ADD3: variants seen among roughly 807,000 people sequenced by gnomAD.
ADD3 encodes gamma-adducin.
In ADD3, 25 loss-of-function variants were observed where a neutral mutation model predicts 80.2. The observed-to-expected ratio is 0.31, with a 90% CI of 0.23 to 0.44. The LOEUF (loss-of-function observed/expected upper bound fraction) is 0.44. Ranked by LOEUF, ADD3 falls within the 20% of genes least tolerant of loss-of-function variation. The pLI is 1.00. For synonymous variants in ADD3, 284 were observed against 289.6 expected (o/e 0.98, Z 0.20); for missense variants, 829 against 847.5 (o/e 0.98, Z 0.27).
chr10:110,055,876 G>A (rs1858127205), intron 1 of ADD3, among the ~76,000 whole-genome samples: 1 of 152,188 alleles, frequency 6.6e-6, no homozygotes, highest in African/African-American at 2.4e-5. Flanking sequence ...GACTTTCTTG[G>A]CATAGTTTAT....
chr10:110,016,924 A>C (rs1181173744), intron 1 of ADD3, among the ~76,000 whole-genome samples: 5 of 152,194 alleles, frequency 3.3e-5, no homozygotes, highest in Admixed American at 3.3e-4. Flanking sequence ...GAACTTTGAA[A>C]ATATGAATTG....
intron 1 of ADD3, among the ~76,000 whole-genome samples, chr10:110,074,835 T>G (rs1845202784): frequency 6.6e-6 from 1 of 152,152 alleles, no homozygotes; most frequent in Non-Finnish European, 1.5e-5. Flanking sequence ...ACTTTAGTTG[T>G]TAAGCCTCTG....
intron 1 of ADD3, among the ~76,000 whole-genome samples, chr10:110,070,820 A>T (rs1844587914): frequency 6.6e-6 from 1 of 151,830 alleles, no homozygotes; most frequent in Non-Finnish European, 1.5e-5. Flanking sequence ...ATATCTGAGG[A>T]CTCTTAAAGC....
At chr10:110,126,084 C>G (rs1476632207) in intron 11 of ADD3, 139 bp downstream of exon 11, 1 of 881,736 alleles carries the variant, frequency 1.1e-6, no homozygotes, top group South Asian at 2.0e-5. Flanking sequence ...ATAATTTTAG[C>G]TTATATTGAA....
chr10:110,116,132 C>A, intron 3 of ADD3, 127 bp from the exon 4 acceptor site: 1 of 791,506 alleles, frequency 1.3e-6, no homozygotes, highest in Non-Finnish European at 2.0e-6. Context: ...ATTATATGGG[C>A]TGATAAATTT....
At chr10:110,089,799 G>A (rs1201411472) in intron 1 of ADD3, among the ~76,000 whole-genome samples, 2 of 151,996 alleles carry the variant, frequency 1.3e-5, no homozygotes, top group African/African-American at 2.4e-5. Flanking sequence ...AACAATTCAA[G>A]TTAATGTTAG....
At chr10:110,033,351 G>A (rs1855276215) in intron 1 of ADD3, among the ~76,000 whole-genome samples, 1 of 152,182 alleles carries the variant, frequency 6.6e-6, no homozygotes, top group Non-Finnish European at 1.5e-5. Flanking sequence ...CACAGCATTT[G>A]AAGTATTGTT....
chr10:110,065,542 T>TTTTTTTTTTTTTC lies in ADD3; in HGVS notation c.-29-35071_-29-35070insCTTTTTTTTTTTT, dbSNP rs1554928310. ...TTTCTTAGCCTCTCTCTCTCCCCTT[T>TTTTTTTTTTTTTC]TTTTTTTTTTTTTTTGAGAAAGAAT... On this transcript the variant is annotated intron_variant, in intron 1 of 14. Transcript: ENST00000356080. Among the ~76,000 whole-genome samples the TTTTTTTTTTTTTC allele has an allele frequency of 1.5e-3, 119 of 78,694 alleles. 7 individuals carry two copies. The highest frequency in any genetic ancestry group is 5.4e-3 in the African/African-American group (117 of 21,724). 51.6% of individuals were successfully genotyped at this position (78,694 alleles called of 152,430 possible).
rs969443731 is a variant in ADD3 at position 110,035,270 on chromosome 10, C to G, written c.-30+26971C>G. On this transcript the variant is annotated intron_variant, in intron 1 of 14. Transcript: ENST00000356080. ...TCCATTTCTCATCATTATGTCAGCG[C>G]CCCCTTGCTGCTATACCTTCATTGA... 1.3e-5 allele frequency among the ~76,000 whole-genome samples: 2 copies of G among 152,128 alleles called. 1 individual carries two copies. Among genetic ancestry groups the G allele is most frequent in the Admixed American group, 1.3e-4 (2 of 15,274 alleles).
chr10:110,054,707 G>C (rs1366490236), intron 1 of ADD3, among the ~76,000 whole-genome samples: 2 of 151,368 alleles, frequency 1.3e-5, no homozygotes, highest in African/African-American at 4.9e-5. Context: ...CTGCACCCCT[G>C]GGTTCATGCC....
chr10:110,102,494 A>G (rs931061736), intron 2 of ADD3, among the ~76,000 whole-genome samples: 2 of 152,128 alleles, frequency 1.3e-5, no homozygotes, highest in African/African-American at 4.8e-5. Flanking sequence ...CCGTAGTCTC[A>G]TACTTGGGAG....
chr10:110,133,303 C>CA, intron 14 of ADD3, 23 bp from the exon 15 acceptor site: 1 of 1,552,800 alleles, frequency 6.4e-7, no homozygotes, highest in Non-Finnish European at 8.7e-7. Flanking sequence ...AAATAACCCC[C>CA]AAAAAACCCT....
At chr10:110,029,318 G>A (rs1008888491) in intron 1 of ADD3, among the ~76,000 whole-genome samples, 1 of 152,160 alleles carries the variant, frequency 6.6e-6, no homozygotes, top group African/African-American at 2.4e-5. Flanking sequence ...TTGGAACTAA[G>A]GAAAACATCT....
At chr10:110,045,008 G>A (rs1488906966) in intron 1 of ADD3, among the ~76,000 whole-genome samples, 6 of 152,184 alleles carry the variant, frequency 3.9e-5, no homozygotes, top group African/African-American at 1.4e-4. Context: ...GGTGTTGGGG[G>A]ACTAGTTGGT....
chr10:110,095,277 G>C (rs1284413030), intron 1 of ADD3, among the ~76,000 whole-genome samples: 1 of 152,084 alleles, frequency 6.6e-6, no homozygotes, highest in Non-Finnish European at 1.5e-5. Context: ...ACAATTCAGT[G>C]GTTTTTAATA....
At chr10:110,017,334 G>T (rs544915481) in intron 1 of ADD3, among the ~76,000 whole-genome samples, 1 of 152,324 alleles carries the variant, frequency 6.6e-6, no homozygotes, top group Non-Finnish European at 1.5e-5. Context: ...GGGTAAATAC[G>T]ATTGAGAATT....
chr10:110,019,558 G>GT (rs372341908), intron 1 of ADD3, among the ~76,000 whole-genome samples: 1 of 152,118 alleles, frequency 6.6e-6, no homozygotes, highest in African/African-American at 2.4e-5. Flanking sequence ...TTTTCACCGT[G>GT]TTAGCTAGGA....
intron 1 of ADD3, among the ~76,000 whole-genome samples, chr10:110,044,749 C>T (rs534549953): frequency 3.2e-4 from 48 of 152,288 alleles, no homozygotes; most frequent in African/African-American, 1.1e-3. Context: ...ATTAATAAGA[C>T]CCTTTTAATT....
chr10:110,062,908 C>CAAG (rs1859103937), intron 1 of ADD3, among the ~76,000 whole-genome samples: 1 of 152,132 alleles, frequency 6.6e-6, no homozygotes, highest in Non-Finnish European at 1.5e-5. Flanking sequence ...TTGGATAGGG[C>CAAG]AAGATTGTGT....
Sources: gnomAD v4.1 joint callset for allele counts (sites outside exome capture counted in the v4.1 genomes callset) on GRCh38, gnomAD v4.1.1 for gene constraint, MANE v1.5 for transcripts, NCBI Gene and HGNC (gene_info 2026-07-23, HGNC 2026-07-21) for gene names.